Variants in TFCP2L1 observed in about 807,000 individuals in gnomAD.
TFCP2L1 encodes the protein transcription factor CP2-like protein 1.
TFCP2L1 carries 12 observed loss-of-function variants against 72.2 expected under a neutral mutation model. The ratio of observed to expected loss-of-function variants is 0.17; its 90% CI spans 0.11 to 0.27. The LOEUF (loss-of-function observed/expected upper bound fraction) is 0.27, where lower values mean the gene tolerates loss of function less well. TFCP2L1 is among the 10% of genes least tolerant of loss of function. The probability of loss-of-function intolerance (pLI) is 1.00; values close to 1 mark genes in which losing one functional copy is unlikely to be tolerated. For missense variants in TFCP2L1, 488 were observed against 624.6 expected (o/e 0.78, Z 2.33); for synonymous variants, 260 against 251.0 (o/e 1.04, Z -0.34).
At chr2:121,256,853 G>A (rs1156467824) in intron 2 of TFCP2L1, among the ~76,000 whole-genome samples, 1 of 152,082 alleles carries the variant, frequency 6.6e-6, no homozygotes, top group African/African-American at 2.4e-5. Flanking sequence ...CTACTCAGGA[G>A]GCCGAGGCAG....
chr2:121,255,339 C>G (rs1180652266), intron 2 of TFCP2L1, among the ~76,000 whole-genome samples: 2 of 151,952 alleles, frequency 1.3e-5, no homozygotes, highest in Non-Finnish European at 2.9e-5. Flanking sequence ...GGTGGTAAAG[C>G]CTGTTCTAAT....
chr2:121,258,382 C>A (rs1169352560), intron 2 of TFCP2L1, among the ~76,000 whole-genome samples: 3 of 152,188 alleles, frequency 2.0e-5, no homozygotes, highest in African/African-American at 7.2e-5. Context: ...AAAATCTGCC[C>A]AAGGCTGGCT....
chr2:121,221,023 TGA>T lies in TFCP2L1; in HGVS notation c.*3316_*3317del, dbSNP rs984772691. The stretch of plus-strand genomic sequence containing the variant: ...AGACAATATTAGCCTCCTACACTTT[TGA>T]GAATTAAAATTTAGCCCACCATCAT... On this transcript the variant is annotated 3_prime_UTR_variant, in exon 15 of 15. Coordinates refer to ENST00000263707, the MANE Select transcript of TFCP2L1 (RefSeq NM_014553.3). 1 of 152,186 alleles carries T rather than the reference TGA, an allele frequency of 6.6e-6. No individual in the cohort carries two copies. Among genetic ancestry groups the T allele is most frequent in the Non-Finnish European group, 1.5e-5 (1 of 68,036 alleles). 9.4% of individuals were successfully genotyped at this position (152,186 alleles called of 1,614,324 possible).
rs3795855 is a variant in TFCP2L1, at chr2:121,219,139, T to C, written c.*5202A>G. 0.89 allele frequency: 135,091 copies of C among 152,342 alleles called. 60,645 individuals carry two copies. The highest frequency in any genetic ancestry group is 0.97 in the Non-Finnish European group (66,303 of 68,120). 9.4% of individuals were successfully genotyped at this position (152,342 alleles called of 1,614,324 possible). On this transcript the variant is annotated 3_prime_UTR_variant, in exon 15 of 15. Coordinates refer to ENST00000263707, the MANE Select transcript of TFCP2L1 (RefSeq NM_014553.3). Reference sequence around the variant, plus strand: ...AGACCTTGCCCTGCTCTGGGGGCCTTGCCCAGTGCCACTTACACTGTCTAG... The same window carrying C: ...AGACCTTGCCCTGCTCTGGGGGCCTCGCCCAGTGCCACTTACACTGTCTAG...
At position 121,242,341 on chromosome 2, in the gene TFCP2L1, C is replaced by T. The variant is rs1010190618; in HGVS notation, c.768+18G>A. ...GGAAGACCCTTGGAGGCTCTGTCCC[C>T]GCACCCAGCCGGCTCACCTCTGTGA... On this transcript the variant is annotated intron_variant, in intron 7 of 14. Transcript: ENST00000263707. 1.1e-5 allele frequency: 17 copies of T among 1,608,906 alleles called. No homozygotes were observed. The highest frequency in any genetic ancestry group is 2.2e-5 in the East Asian group (1 of 44,842).
At chr2:121,260,692 C>A (rs1686814912) in intron 2 of TFCP2L1, among the ~76,000 whole-genome samples, 1 of 152,236 alleles carries the variant, frequency 6.6e-6, no homozygotes, top group Non-Finnish European at 1.5e-5. Flanking sequence ...GCTGCTGCAA[C>A]CACAGCACTG....
At chr2:121,262,785 T>G (rs1433077150) in intron 2 of TFCP2L1, among the ~76,000 whole-genome samples, 1 of 152,168 alleles carries the variant, frequency 6.6e-6, no homozygotes, top group Non-Finnish European at 1.5e-5. Context: ...CACCTTTATG[T>G]CTAAATTTAT....
intron 13 of TFCP2L1, among the ~76,000 whole-genome samples, chr2:121,228,349 C>T (rs1376612304): frequency 6.6e-6 from 1 of 152,022 alleles, no homozygotes; most frequent in Non-Finnish European, 1.5e-5. Flanking sequence ...TTCGGTGACA[C>T]TACAGCTGTC....
intron 2 of TFCP2L1, among the ~76,000 whole-genome samples, chr2:121,273,816 G>A (rs1022541483): frequency 5.3e-5 from 8 of 152,218 alleles, no homozygotes; most frequent in Non-Finnish European, 1.0e-4. Context: ...TGTCTTGAAT[G>A]ATGTGTCAAA....
Position 121,217,167 on chromosome 2 carries a change from T to C in TFCP2L1, c.*7174A>G, listed in dbSNP as rs1167341611. The C allele has an allele frequency of 6.6e-6, 1 of 152,288 alleles. No individual in the cohort carries two copies. Among genetic ancestry groups the C allele is most frequent in the Non-Finnish European group, 1.5e-5 (1 of 68,064 alleles). 9.4% of individuals were successfully genotyped at this position (152,288 alleles called of 1,614,324 possible). A position where few individuals can be genotyped will look rare whatever the true frequency, so the allele number is the denominator to read the frequency against. On this transcript the variant is annotated 3_prime_UTR_variant, in exon 15 of 15. Coordinates refer to ENST00000263707, the MANE Select transcript of TFCP2L1 (RefSeq NM_014553.3). ...CGGGCCATCAGTAGCTGTGGGACCC[T>C]GGCCCCCATCTAACCTCCCAGTTGA...
intron 2 of TFCP2L1, among the ~76,000 whole-genome samples, chr2:121,257,870 CT>C (rs1686758558): frequency 6.8e-6 from 1 of 146,866 alleles, no homozygotes; most frequent in African/African-American, 2.7e-5. Flanking sequence ...TTGCCCACCC[CT>C]CCCTCCTTGA....
At chr2:121,284,995 GC>G in intron 1 of TFCP2L1, 52 bp downstream of exon 1, 1 of 1,420,706 alleles carries the variant, frequency 7.0e-7, no homozygotes, top group Non-Finnish European at 9.2e-7. Flanking sequence ...GTCCAACGGC[GC>G]CCGGCCCGCC....
intron 2 of TFCP2L1, among the ~76,000 whole-genome samples, chr2:121,259,955 G>T (rs994061995): frequency 3.3e-5 from 5 of 152,178 alleles, no homozygotes; most frequent in African/African-American, 1.2e-4. Flanking sequence ...ACAATACAGC[G>T]ATTGGTATTT....
chr2:121,238,292 G>C (rs2104681305), intron 8 of TFCP2L1, among the ~76,000 whole-genome samples: 1 of 152,266 alleles, frequency 6.6e-6, no homozygotes, highest in Middle Eastern at 3.4e-3. Context: ...GGTGGTGAGG[G>C]GAGAGGGCAT....
At chr2:121,278,938 A>C (rs1277569316) in intron 2 of TFCP2L1, among the ~76,000 whole-genome samples, 5 of 151,980 alleles carry the variant, frequency 3.3e-5, no homozygotes, top group Admixed American at 3.3e-4. Context: ...CAGGAGGCAG[A>C]GGTTGCAGTG....
intron 2 of TFCP2L1, among the ~76,000 whole-genome samples, chr2:121,271,202 A>T (rs1011157130): frequency 2.5e-5 from 2 of 80,822 alleles, no homozygotes; most frequent in African/African-American, 2.9e-4. Flanking sequence ...AATAAAAATA[A>T]AAAAAAAAAA....
chr2:121,231,563 C>T (rs572912890), intron 13 of TFCP2L1, among the ~76,000 whole-genome samples: 1 of 152,364 alleles, frequency 6.6e-6, no homozygotes, highest in South Asian at 2.1e-4. Flanking sequence ...CACCTTGGGC[C>T]AGAGTGGAGT....
At chr2:121,228,258 G>A (rs527374292) in intron 13 of TFCP2L1, among the ~76,000 whole-genome samples, 16 of 152,334 alleles carry the variant, frequency 1.1e-4, no homozygotes, top group African/African-American at 2.9e-4. Context: ...TCAGGGACCC[G>A]TGATATTGCA....
At chr2:121,275,084 T>G (rs946758525) in intron 2 of TFCP2L1, among the ~76,000 whole-genome samples, 1 of 151,518 alleles carries the variant, frequency 6.6e-6, no homozygotes, top group African/African-American at 2.4e-5. Flanking sequence ...CAAAAGGAAA[T>G]AGTGAAATAA....
Sources: allele counts gnomAD v4.1 joint callset (sites outside exome capture counted in the v4.1 genomes callset), GRCh38; gene constraint gnomAD v4.1.1; transcripts MANE v1.5; gene names NCBI Gene and HGNC (gene_info 2026-07-23, HGNC 2026-07-21).